Variants in ZBTB46 observed in about 807,000 individuals in gnomAD.
The protein encoded by ZBTB46 is zinc finger and BTB domain-containing protein 46.
Under a neutral mutation model 44.1 loss-of-function variants are expected in ZBTB46, and 8 were observed. That is an observed-to-expected ratio of 0.18 (90% CI 0.11 to 0.33). ZBTB46 has a LOEUF of 0.33. Ranked by LOEUF, ZBTB46 falls within the 10% of genes least tolerant of loss-of-function variation. ZBTB46 has a pLI of 1.00. For missense variants in ZBTB46, 651 were observed against 847.7 expected (o/e 0.77, Z 2.88); for synonymous variants, 409 against 382.3 (o/e 1.07, Z -0.81).
At chr20:63,799,077 C>A (rs1182693246) in intron 1 of ZBTB46, among the ~76,000 whole-genome samples, 1 of 151,836 alleles carries the variant, frequency 6.6e-6, no homozygotes, top group Non-Finnish European at 1.5e-5. Flanking sequence ...GTCACCCAGG[C>A]TGGAGTGCAG....
At chr20:63,831,471 G>A (rs1000078560), upstream of ZBTB46, among the ~76,000 whole-genome samples, 3 of 145,432 alleles carry the variant, frequency 2.1e-5, no homozygotes, top group Admixed American at 6.8e-5. Flanking sequence ...CCGCGCCGCG[G>A]GGTCGCAGGG....
chr20:63,823,858 TTGTGTGTGTGTGTGTGTG>T (rs11474683), intron 1 of ZBTB46, among the ~76,000 whole-genome samples: 2 of 144,718 alleles, frequency 1.4e-5, no homozygotes, highest in South Asian at 4.4e-4. Flanking sequence ...TCTAGGAACC[TTGTGTGTGTGTGTGTGTG>T]TGTGTGTGTG....
chr20:63,808,361 G>A (rs1156579289), intron 1 of ZBTB46, among the ~76,000 whole-genome samples: 2 of 152,184 alleles, frequency 1.3e-5, no homozygotes, highest in East Asian at 3.9e-4. Flanking sequence ...GGGAGGGCCC[G>A]GAAGGCAGAC....
In ZBTB46 at chr20:63,790,678, T is replaced by C. The variant is rs1400950225; in HGVS notation, c.80A>G (p.His27Arg). ...LLRELNEQRQ[H>R]GVLCDVCVVV... ...CACGCAGACGTCGCACAGGACGCCG[T>C]GCTGCCTCTGCTCGTTGAGCTCCCG... The change falls in exon 2 of 5, where the codon CAC (histidine) becomes CGC (arginine). Residue 27 changes from histidine to arginine, a missense_variant. This residue lies in a region of ZBTB46 where 65 missense variants were observed against 167.9 expected (regional missense o/e 0.39). Transcript: ENST00000245663. 6.2e-7 allele frequency: 1 copy of C among 1,611,670 alleles called. No homozygotes were observed. Among genetic ancestry groups the C allele is most frequent in the African/African-American group, 1.3e-5 (1 of 74,952 alleles).
intron 1 of ZBTB46, among the ~76,000 whole-genome samples, chr20:63,818,691 TAAA>T (rs983632048): frequency 1.3e-4 from 19 of 148,876 alleles, no homozygotes; most frequent in African/African-American, 4.5e-4. Context: ...CCGTGTCTAT[TAAA>T]AAAAAATGCA....
intron 1 of ZBTB46, among the ~76,000 whole-genome samples, chr20:63,800,685 C>T (rs2092637138): frequency 6.6e-6 from 1 of 152,232 alleles, no homozygotes; most frequent in South Asian, 2.1e-4. Flanking sequence ...GGCTTAGCAC[C>T]CGGGCCAGCA....
chr20:63,764,588 T>C (rs1490231963), intron 3 of ZBTB46, among the ~76,000 whole-genome samples: 1 of 148,678 alleles, frequency 6.7e-6, no homozygotes, highest in East Asian at 1.9e-4. Flanking sequence ...CTTCTGAATG[T>C]TAAGCATTTT....
At chr20:63,770,003 T>C (rs2092353373) in intron 3 of ZBTB46, among the ~76,000 whole-genome samples, 1 of 151,942 alleles carries the variant, frequency 6.6e-6, no homozygotes, top group South Asian at 2.1e-4. Context: ...GGAGCTGGGG[T>C]GAGCTTCACG....
At chr20:63,774,929 T>G (rs1240909385) in intron 3 of ZBTB46, among the ~76,000 whole-genome samples, 1 of 152,028 alleles carries the variant, frequency 6.6e-6, no homozygotes, top group Non-Finnish European at 1.5e-5. Context: ...GGTCTCGATC[T>G]CCTGACCTCG....
chr20:63,763,728 C>T (rs901819953), intron 3 of ZBTB46, among the ~76,000 whole-genome samples: 1 of 152,120 alleles, frequency 6.6e-6, no homozygotes, highest in Non-Finnish European at 1.5e-5. Context: ...TATTCCATTT[C>T]TTCTCCTCAT....
At chr20:63,800,523 G>A (rs1267395282) in intron 1 of ZBTB46, among the ~76,000 whole-genome samples, 1 of 152,268 alleles carries the variant, frequency 6.6e-6, no homozygotes, top group Non-Finnish European at 1.5e-5. Context: ...GGATGGCCAA[G>A]GCCGGAGCCG....
chr20:63,809,505 G>A (rs969321025), intron 1 of ZBTB46, among the ~76,000 whole-genome samples: 5 of 152,250 alleles, frequency 3.3e-5, no homozygotes, highest in African/African-American at 7.2e-5. Flanking sequence ...CCAGCAGGTG[G>A]AGAGGACTCC....
intron 2 of ZBTB46, among the ~76,000 whole-genome samples, chr20:63,785,194 T>C (rs1200535559): frequency 8.0e-6 from 1 of 124,992 alleles, no homozygotes; most frequent in Non-Finnish European, 1.6e-5. Context: ...ATTGCACCAC[T>C]GCACTCCAGC....
Position 63,744,217 on chromosome 20 carries a change from G to A in ZBTB46, c.*2713C>T, listed in dbSNP as rs1330716332. ...TTTTATAATATTGCAAAAAGTTCCAGTTTTTGCATTTTCTCAGTTTTTTAA... is the reference window on the plus strand; with the variant it reads ...TTTTATAATATTGCAAAAAGTTCCAATTTTTGCATTTTCTCAGTTTTTTAA... On this transcript the variant is annotated 3_prime_UTR_variant, in exon 5 of 5. Transcript: ENST00000245663. The A allele has an allele frequency of 3.3e-5, 5 of 152,126 alleles. No homozygotes were observed. Among genetic ancestry groups the A allele is most frequent in the Non-Finnish European group, 7.4e-5 (5 of 68,022 alleles). 9.4% of individuals were successfully genotyped at this position (152,126 alleles called of 1,614,324 possible).
rs2092399339 is a variant in ZBTB46 at position 63,774,048 on chromosome 20, ACCCCCCGCCCCCCCCC to A, written c.1222+1614_1222+1629del. On this transcript the variant is annotated intron_variant, in intron 3 of 4. Transcript: ENST00000245663. ...AATTCACAACAGCTGTGTAAGTGGC[ACCCCCCGCCCCCCCCC>A]CCCCCCCCAGTTTTTCAGATGTGGG... 5.7e-4 allele frequency among the ~76,000 whole-genome samples: 3 copies of A among 5,244 alleles called. 1 individual carries two copies. 3.4% of individuals were successfully genotyped at this position (5,244 alleles called of 152,430 possible).
In ZBTB46 at chr20:63,752,498, C is replaced by CCACA. The variant is rs1056789863; in HGVS notation, c.1398+184_1398+187dup. On this transcript the variant is annotated intron_variant, in intron 4 of 4. Transcript: ENST00000245663. This position sits in a 1 kb window ranked among gnomAD's most constrained non-coding sequence, Gnocchi z 5.6. The stretch of plus-strand genomic sequence containing the variant: ...CCTCTGCAGGGGCCATGTGGCCCAG[C>CCACA]CACACCCAGGAGGCCGGGGCAGAGC... Among the ~76,000 whole-genome samples the CCACA allele has an allele frequency of 2.0e-5, 3 of 152,056 alleles. No homozygotes were observed. Among genetic ancestry groups the CCACA allele is most frequent in the Non-Finnish European group, 4.4e-5 (3 of 67,968 alleles).
At chr20:63,817,047 T>C (rs2092762834) in intron 1 of ZBTB46, among the ~76,000 whole-genome samples, 1 of 151,368 alleles carries the variant, frequency 6.6e-6, no homozygotes, top group Non-Finnish European at 1.5e-5. Flanking sequence ...AGAGGTTGCG[T>C]TGAGCCAAGA....
At chr20:63,771,558 GC>G (rs1440728758) in intron 3 of ZBTB46, among the ~76,000 whole-genome samples, 3 of 152,182 alleles carry the variant, frequency 2.0e-5, no homozygotes, top group Non-Finnish European at 4.4e-5. Flanking sequence ...GGCGAGTGGG[GC>G]TACGCCGTGA....
intron 1 of ZBTB46, among the ~76,000 whole-genome samples, chr20:63,828,913 C>T (rs1358230624): frequency 6.6e-6 from 1 of 152,204 alleles, no homozygotes; most frequent in East Asian, 1.9e-4. Flanking sequence ...GGAGCTGCAC[C>T]GCTGTCCCAG....
Sources: gnomAD v4.1 joint callset for allele counts (sites outside exome capture counted in the v4.1 genomes callset) on GRCh38, gnomAD v4.1.1 for gene constraint, gnomAD v4.1.1 regional missense constraint, Gnocchi (gnomAD v3.1) non-coding constraint, MANE v1.5 for transcripts, NCBI Gene and HGNC (gene_info 2026-07-23, HGNC 2026-07-21) for gene names.